The following VEGFC variants were observed in gnomAD, a reference collection of about 807,000 sequenced individuals.
VEGFC encodes the protein FLT4 ligand DHM.
In VEGFC, 12 loss-of-function variants were observed where a neutral mutation model predicts 46.1. That is an observed-to-expected ratio of 0.26 (90% CI 0.17 to 0.42). The LOEUF (loss-of-function observed/expected upper bound fraction) is 0.42. Ranked by LOEUF, VEGFC falls within the 10% of genes least tolerant of loss-of-function variation. The pLI, the probability that VEGFC is intolerant of heterozygous loss-of-function variation, is 1.00. For synonymous variants in VEGFC, 232 were observed against 195.5 expected, an observed-to-expected ratio of 1.19 and a Z score of -1.56; for missense variants, 488 against 529.4, an observed-to-expected ratio of 0.92 and a Z score of 0.77.
At chr4:176,772,961 C>T (rs1189457634) in intron 1 of VEGFC, among the ~76,000 whole-genome samples, 1 of 152,226 alleles carries the variant, frequency 6.6e-6, no homozygotes, top group African/African-American at 2.4e-5. Context: ...AAAGTACATT[C>T]ATTCTCCTTT....
chr4:176,735,094 T>C lies in VEGFC; in HGVS notation c.148-5348A>G, dbSNP rs186957588. Among the ~76,000 whole-genome samples, 356 of 151,964 alleles carry C rather than the reference T, an allele frequency of 2.3e-3. 3 individuals are homozygous for C. Among genetic ancestry groups the C allele is most frequent in the African/African-American group, 8.2e-3 (341 of 41,516 alleles). ...CCTCTGTCATGGAATTTTGCTGTTT[T>C]CAATCTGTTTCATCTCCTCTGGGAA... On this transcript the variant is annotated intron_variant, in intron 1 of 6. Transcript: ENST00000618562.
intron 1 of VEGFC, among the ~76,000 whole-genome samples, chr4:176,756,020 G>A (rs971670743): frequency 5.3e-5 from 8 of 152,026 alleles, no homozygotes; most frequent in African/African-American, 1.7e-4. Flanking sequence ...GGAGCATAAT[G>A]TGATGTAGAC....
At position 176,780,391 on chromosome 4, in the gene VEGFC, A is replaced by AAAAAAAACAAACAAAC. The variant is rs1735894459; in HGVS notation, c.147+11773_147+11774insGTTTGTTTGTTTTTTT. Among the ~76,000 whole-genome samples, 6 of 148,678 alleles carry AAAAAAAACAAACAAAC rather than the reference A, an allele frequency of 4.0e-5. 1 individual carries two copies. The South Asian group carries it at 8.5e-4, about 21-fold the overall frequency. Reference sequence around the variant, plus strand: ...AGCGAGACTCCATCTCAAAAAAAAAAAAAAAAAACTCCTTCTAACCCATTC... The same window carrying AAAAAAAACAAACAAAC: ...AGCGAGACTCCATCTCAAAAAAAAAAAAAAAAACAAACAAACAAAAAAAACTCCTTCTAACCCATTC... On this transcript the variant is annotated intron_variant, in intron 1 of 6. Transcript: ENST00000618562.
intron 1 of VEGFC, among the ~76,000 whole-genome samples, chr4:176,760,191 G>A (rs903724941): frequency 6.6e-6 from 1 of 152,082 alleles, no homozygotes; most frequent in African/African-American, 2.4e-5. Context: ...ATAGAGCAAA[G>A]AATGGTAAGT....
chr4:176,732,162 T>C (rs1274278868), intron 1 of VEGFC, among the ~76,000 whole-genome samples: 2 of 151,922 alleles, frequency 1.3e-5, no homozygotes, highest in African/African-American at 4.8e-5. Context: ...TGGACTAATA[T>C]TCTTAAAACA....
intron 1 of VEGFC, among the ~76,000 whole-genome samples, chr4:176,772,077 C>T (rs193138962): frequency 7.9e-5 from 12 of 152,132 alleles, no homozygotes; most frequent in Admixed American, 5.9e-4. Context: ...GGAGAGGAAA[C>T]GATCCAAAAG....
chr4:176,769,316 C>T (rs1435594544), intron 1 of VEGFC, among the ~76,000 whole-genome samples: 2 of 152,106 alleles, frequency 1.3e-5, no homozygotes, highest in Non-Finnish European at 2.9e-5. Context: ...GTGTGGCATG[C>T]GGTGACCTCC....
chr4:176,736,712 T>C (rs1252767706), intron 1 of VEGFC, among the ~76,000 whole-genome samples: 1 of 151,798 alleles, frequency 6.6e-6, no homozygotes, highest in South Asian at 2.1e-4. Flanking sequence ...CTTGCAGTGA[T>C]TTAAAAATAT....
intron 4 of VEGFC, among the ~76,000 whole-genome samples, chr4:176,710,018 ACT>A (rs149990754): frequency 0.032 from 4,800 of 152,122 alleles, 237 homozygotes; most frequent in African/African-American, 0.11. Context: ...AGTAATGACA[ACT>A]CTGTGATTTC....
chr4:176,691,953 G>C (rs992264352), intron 4 of VEGFC, among the ~76,000 whole-genome samples: 1 of 152,130 alleles, frequency 6.6e-6, no homozygotes, highest in Admixed American at 6.5e-5. Flanking sequence ...CACCGTGCGC[G>C]AGCCGAAGCA....
chr4:176,780,450 G>A (rs901303043), intron 1 of VEGFC, among the ~76,000 whole-genome samples: 1 of 149,890 alleles, frequency 6.7e-6, no homozygotes, highest in African/African-American at 2.5e-5. Context: ...ATACCCATGT[G>A]TAATACACAG....
At chr4:176,762,076 G>A (rs1057249559) in intron 1 of VEGFC, among the ~76,000 whole-genome samples, 2 of 152,152 alleles carry the variant, frequency 1.3e-5, no homozygotes, top group South Asian at 2.1e-4. Context: ...CCTGCACAGC[G>A]GATACTATGG....
At chr4:176,728,672 T>A (rs1386322530) in intron 2 of VEGFC, among the ~76,000 whole-genome samples, 1 of 152,164 alleles carries the variant, frequency 6.6e-6, no homozygotes, top group African/African-American at 2.4e-5. Context: ...ATAATGTACT[T>A]CCTAAGTATA....
In VEGFC at chr4:176,727,891, C is replaced by T. The variant is rs745519188; in HGVS notation, c.439G>A (p.Ala147Thr). ...GGAGGTTTAAAGAAGGTGTTTGTCG[C>T]GACTCCAAACTCCTTCCCCACATCT... ...CIDVGKEFGVATNTFFKPPCV... is the reference protein window; with the variant it reads ...CIDVGKEFGVTTNTFFKPPCV... The change falls in exon 3 of 7, where the codon GCG becomes ACG. Residue 147 changes from alanine to threonine, a missense_variant. By Grantham distance (58) the Ala-to-Thr change is moderately conservative. Coordinates refer to ENST00000618562, the MANE Select transcript of VEGFC (RefSeq NM_005429.5). 17 of 1,613,660 alleles carry T rather than the reference C, an allele frequency of 1.1e-5. No homozygotes were observed. The highest frequency in any genetic ancestry group is 2.7e-5 in the African/African-American group (2 of 74,848).
intron 3 of VEGFC, among the ~76,000 whole-genome samples, chr4:176,726,235 G>C (rs1460402726): frequency 6.6e-6 from 1 of 152,070 alleles, no homozygotes; most frequent in Non-Finnish European, 1.5e-5. Flanking sequence ...TTCTGGTAAA[G>C]TTTCTAAATG....
At chr4:176,728,564 A>G (rs377545880) in intron 2 of VEGFC, among the ~76,000 whole-genome samples, 4 of 152,172 alleles carry the variant, frequency 2.6e-5, no homozygotes, top group African/African-American at 9.7e-5. Context: ...AGCAAAGTCA[A>G]TATTTCCTAT....
chr4:176,727,278 T>C (rs1402342207), intron 3 of VEGFC, among the ~76,000 whole-genome samples: 1 of 152,190 alleles, frequency 6.6e-6, no homozygotes, highest in Non-Finnish European at 1.5e-5. Flanking sequence ...AGTTATTTCC[T>C]TTGCTTTCGA....
At chr4:176,783,535 T>C (rs1349417191) in intron 1 of VEGFC, among the ~76,000 whole-genome samples, 2 of 152,236 alleles carry the variant, frequency 1.3e-5, no homozygotes, top group Non-Finnish European at 2.9e-5. Flanking sequence ...GATGAGTTCA[T>C]ATTAAATTAT....
At chr4:176,705,350 G>T (rs531943402) in intron 4 of VEGFC, among the ~76,000 whole-genome samples, 6 of 151,714 alleles carry the variant, frequency 4.0e-5, no homozygotes, top group Non-Finnish European at 8.8e-5. Flanking sequence ...GGAAATAATT[G>T]GAAAAAATAA....
Sources: gnomAD v4.1 joint callset for allele counts (sites outside exome capture counted in the v4.1 genomes callset) on GRCh38, gnomAD v4.1.1 for gene constraint, MANE v1.5 for transcripts, NCBI Gene and HGNC (gene_info 2026-07-23, HGNC 2026-07-21) for gene names.